The following SND1 variants were observed in gnomAD, a reference collection of about 807,000 sequenced individuals.
SND1 encodes the protein staphylococcal nuclease and tudor domain containing 1, also known as staphylococcal nuclease domain-containing protein 1.
A neutral mutation model predicts 121.7 loss-of-function variants in SND1; 38 were observed. The ratio of observed to expected loss-of-function variants is 0.31; its 90% confidence interval spans 0.24 to 0.41. SND1 has a LOEUF of 0.41. Ranked by LOEUF, SND1 falls within the 10% of genes least tolerant of loss-of-function variation. The pLI is 1.00. For missense variants in SND1, 868 were observed against 1,184.6 expected (o/e 0.73, Z 3.92); for synonymous variants, 401 against 447.4 (o/e 0.90, Z 1.31).
At chr7:127,862,518 GT>G (rs1172085753) in intron 12 of SND1, among the ~76,000 whole-genome samples, 1 of 152,160 alleles carries the variant, frequency 6.6e-6, no homozygotes, top group African/African-American at 2.4e-5. Flanking sequence ...ATTGGAACTT[GT>G]TTCTTTTAAA....
At chr7:127,951,445 G>C (rs772705192) in intron 15 of SND1, among the ~76,000 whole-genome samples, 1 of 152,222 alleles carries the variant, frequency 6.6e-6, no homozygotes, top group Admixed American at 6.5e-5. Flanking sequence ...GGGAGTTGTT[G>C]CTTGACAGGT....
intron 1 of SND1, among the ~76,000 whole-genome samples, chr7:127,668,092 AAGGAGACTATAGAAC>A (rs1378154313): frequency 6.6e-6 from 1 of 152,214 alleles, no homozygotes; most frequent in Non-Finnish European, 1.5e-5. Context: ...AAATCTTCTG[AAGGAGACTATAGAAC>A]AGTAGTCACC....
chr7:127,975,206 C>T (rs887363344), intron 15 of SND1, among the ~76,000 whole-genome samples: 24 of 152,196 alleles, frequency 1.6e-4, no homozygotes, highest in Admixed American at 1.3e-4. Context: ...CCTACAAGGA[C>T]GTGCAGCGCA....
chr7:127,902,315 T>C (rs1243002700), intron 13 of SND1, among the ~76,000 whole-genome samples: 1 of 152,248 alleles, frequency 6.6e-6, no homozygotes, highest in Non-Finnish European at 1.5e-5. Context: ...TGTAGGCATT[T>C]AGTGCCCCAT....
chr7:128,084,893 A>C, intron 19 of SND1, 46 bp downstream of exon 19: 1 of 1,559,112 alleles, frequency 6.4e-7, no homozygotes, highest in Non-Finnish European at 8.7e-7. Flanking sequence ...CAGGAACGAT[A>C]GCAGGGCTGT....
At chr7:127,991,399 T>C (rs1338000934) in intron 16 of SND1, among the ~76,000 whole-genome samples, 1 of 152,094 alleles carries the variant, frequency 6.6e-6, no homozygotes, top group Non-Finnish European at 1.5e-5. Context: ...TGACTAACCC[T>C]GTCAGGGGCC....
At chr7:127,983,311 GA>G (rs1211401704) in intron 15 of SND1, among the ~76,000 whole-genome samples, 39 of 152,282 alleles carry the variant, frequency 2.6e-4, no homozygotes, top group African/African-American at 8.9e-4. Flanking sequence ...CAGTCAGTGG[GA>G]CAGGAAGCTT....
intron 10 of SND1, among the ~76,000 whole-genome samples, chr7:127,766,674 C>T (rs1230314614): frequency 7.6e-6 from 1 of 131,538 alleles, no homozygotes; most frequent in African/African-American, 2.8e-5. Flanking sequence ...ACTCAGGAGG[C>T]TGAGGCAGAA....
At chr7:127,675,763 A>G (rs541036885) in intron 1 of SND1, among the ~76,000 whole-genome samples, 259 of 152,324 alleles carry the variant, frequency 1.7e-3, no homozygotes, top group Non-Finnish European at 2.9e-3. Flanking sequence ...ACTGTTACCT[A>G]TCCTGAAAGA....
rs1212743336 is a variant in SND1 at position 127,721,313 on chromosome 7, C to T, written c.1065C>T (p.Ala355=). 6.2e-7 allele frequency: 1 copy of T among 1,613,294 alleles called. No homozygotes were observed. Among genetic ancestry groups the T allele is most frequent in the African/African-American group, 1.3e-5 (1 of 74,752 alleles). The change falls in exon 10 of 24, where the codon GCC becomes GCT. Residue 355 remains alanine, a synonymous_variant. Coordinates refer to ENST00000354725, the MANE Select transcript of SND1 (RefSeq NM_014390.4). ...TGATGCAGGTTCTGAATGCTGATGC[C>T]ATTGTTGTGAAGCTGAACTCAGGCG... ...AKVMQVLNAD[A]IVVKLNSGDY...
At chr7:128,070,555 G>A (rs886545131) in intron 16 of SND1, among the ~76,000 whole-genome samples, 4 of 152,208 alleles carry the variant, frequency 2.6e-5, no homozygotes, top group African/African-American at 7.2e-5. Flanking sequence ...CCCAAGAGAT[G>A]AGTGGCTATG....
intron 1 of SND1, among the ~76,000 whole-genome samples, chr7:127,678,016 A>G (rs896670608): frequency 6.6e-6 from 1 of 152,198 alleles, no homozygotes; most frequent in Non-Finnish European, 1.5e-5. Flanking sequence ...AGCTCATGGA[A>G]GCTTTACTTG....
intron 11 of SND1, among the ~76,000 whole-genome samples, chr7:127,808,020 T>C (rs1380704923): frequency 1.3e-5 from 2 of 152,072 alleles, no homozygotes; most frequent in African/African-American, 4.8e-5. Context: ...AGCACGCCTA[T>C]TGTAATGCAC....
rs555107849 is a variant in SND1, at chr7:127,966,787, A to G, written c.1670-24160A>G. Among the ~76,000 whole-genome samples the G allele has an allele frequency of 3.1e-5, 4 of 129,092 alleles. No homozygotes were observed. The South Asian group carries it at 8.8e-4, about 28-fold the overall frequency. The allele number at this position is 129,092 out of a possible 152,430, so 84.7% of individuals were successfully genotyped here. A position where few individuals can be genotyped will look rare whatever the true frequency, so the allele number is the denominator to read the frequency against. ...AAATTGACACCCTAACATCACAATT[A>G]AAAGAACTAGAAAAGCAAGAGCAAA... On this transcript the variant is annotated intron_variant, in intron 15 of 23. Coordinates refer to ENST00000354725, the MANE Select transcript of SND1 (RefSeq NM_014390.4).
chr7:128,089,597 C>A lies in SND1; in HGVS notation c.2527C>A (p.Gln843Lys), dbSNP rs1482657554. The A allele has an allele frequency of 6.2e-7, 1 of 1,614,208 alleles. No individual in the cohort carries two copies. Among genetic ancestry groups the A allele is most frequent in the Non-Finnish European group, 8.5e-7 (1 of 1,180,030 alleles). Residue 843 changes from glutamine to lysine, a missense_variant, in exon 22 of 24, where the codon CAG (glutamine) becomes AAG (lysine). By Grantham distance (53) the Gln-to-Lys change is moderately conservative. Around this residue, in one of 2 missense-constraint regions of SND1, gnomAD observed 743 missense variants for 1,071.3 expected, o/e 0.69. Coordinates refer to ENST00000354725, the MANE Select transcript of SND1 (RefSeq NM_014390.4). ...LSAGCPHVTL[Q>K]FADSKGDVGL... Reference sequence around the variant, plus strand: ...TGCCGGCTGCCCCCATGTCACCCTGCAGTTTGCAGATTCCAAGGGCGATGT... The same window carrying A: ...TGCCGGCTGCCCCCATGTCACCCTGAAGTTTGCAGATTCCAAGGGCGATGT...
rs1798423694 is a variant in SND1, at chr7:127,815,574, C to G, written c.1242+8001C>G. On this transcript the variant is annotated intron_variant, in intron 11 of 23. Coordinates refer to ENST00000354725, the MANE Select transcript of SND1 (RefSeq NM_014390.4). ...AGTATTGGGCACAGAGAGAAAGAGA[C>G]CATGTGACAGTGGAGGTAGAAATTG... Among the ~76,000 whole-genome samples the G allele has an allele frequency of 2.6e-5, 4 of 151,904 alleles. No homozygotes were observed. The South Asian group carries it at 8.3e-4, about 32-fold the overall frequency.
At chr7:127,941,265 A>T (rs1438796879) in intron 15 of SND1, among the ~76,000 whole-genome samples, 1 of 152,158 alleles carries the variant, frequency 6.6e-6, no homozygotes, top group Non-Finnish European at 1.5e-5. Flanking sequence ...AATGAGATCT[A>T]CATCTCATTT....
intron 5 of SND1, among the ~76,000 whole-genome samples, chr7:127,701,887 C>A (rs536019155): frequency 3.3e-5 from 5 of 152,324 alleles, no homozygotes; most frequent in South Asian, 2.1e-4. Flanking sequence ...GTGGACTCAA[C>A]ATAATACTTG....
intron 10 of SND1, among the ~76,000 whole-genome samples, chr7:127,757,152 A>G (rs1226228601): frequency 6.6e-6 from 1 of 152,292 alleles, no homozygotes; most frequent in African/African-American, 2.4e-5. Context: ...TCAATTAGTT[A>G]TGCCTTCTCA....
Sources: gnomAD v4.1 joint callset for allele counts (sites outside exome capture counted in the v4.1 genomes callset) on GRCh38, gnomAD v4.1.1 for gene constraint, gnomAD v4.1.1 regional missense constraint, MANE v1.5 for transcripts, NCBI Gene and HGNC (gene_info 2026-07-23, HGNC 2026-07-21) for gene names.